The following LRRC56 variants were observed in gnomAD, a reference collection of about 807,000 sequenced individuals.
LRRC56 encodes the protein leucine-rich repeat-containing protein 56.
LRRC56 carries 41 observed loss-of-function variants against 47.8 expected under a neutral mutation model. The observed-to-expected ratio is 0.86, with a 90% CI of 0.67 to 1.11. The LOEUF is 1.11. Among genes scored for constraint, LRRC56 ranks in the 50% most tolerant of loss-of-function variants. LRRC56 has a pLI of 0.00. For missense variants in LRRC56, 759 were observed against 704.2 expected (o/e 1.08, Z -0.88); for synonymous variants, 387 against 311.2 (o/e 1.24, Z -2.56).
At chr11:532,836 GC>G (rs1851190533), upstream of LRRC56, 5 of 1,410,140 alleles carry the variant, frequency 3.5e-6, no homozygotes, top group East Asian at 1.2e-4. Flanking sequence ...GTGGGATCAA[GC>G]CTTGCCTGGC....
At chr11:520,921 G>C in the LRRC56 span, among the ~76,000 whole-genome samples, 15,053 of 152,242 alleles carry the variant, frequency 0.099, 1,017 homozygotes, top group Admixed American at 0.19. Context: ...ATTGGGGTGG[G>C]AATTGTCCAT....
At chr11:533,436 G>A (rs367869009), upstream of LRRC56, 4 of 1,612,210 alleles carry the variant, frequency 2.5e-6, no homozygotes, top group African/African-American at 5.3e-5. Context: ...TAGCTGTGGG[G>A]TGGAGAGCTG....
chr11:510,529 G>C, the LRRC56 span, among the ~76,000 whole-genome samples: 7 of 151,988 alleles, frequency 4.6e-5, no homozygotes, highest in Admixed American at 4.6e-4. Context: ...TTTGCGGTCG[G>C]GAGTTCAAGA....
At chr11:514,678 T>C in the LRRC56 span, among the ~76,000 whole-genome samples, 1 of 152,050 alleles carries the variant, frequency 6.6e-6, no homozygotes, top group Non-Finnish European at 1.5e-5. Context: ...ATAAAGTATT[T>C]TAAATTGAGG....
intron 3 of LRRC56, among the ~76,000 whole-genome samples, chr11:540,344 G>A (rs868403415): frequency 5.3e-5 from 8 of 152,330 alleles, no homozygotes; most frequent in Middle Eastern, 3.4e-3. Context: ...CACAGCCCCT[G>A]TGGGCCTCAG....
chr11:551,735 C>A lies in LRRC56; in HGVS notation c.881C>A (p.Pro294His). ...CAGTCCCGGGCCTCCAGGCCCTGGC[C>A]CTTCTCCCTGCTGGTCCGTGGGGGC... is the stretch of plus-strand genomic sequence containing the variant. Reference protein sequence around the residue: ...ETQSRASRPWPFSLLVRGGPL... With the variant: ...ETQSRASRPWHFSLLVRGGPL... The change falls in exon 10 of 14, where the codon CCC becomes CAC. Residue 294 changes from proline to histidine, a missense_variant. Physicochemically the swap from Pro to His is moderately conservative, Grantham distance 77. Transcript: ENST00000270115. The A allele has an allele frequency of 6.2e-7, 1 of 1,611,674 alleles. No homozygotes were observed. Among genetic ancestry groups the A allele is most frequent in the Non-Finnish European group, 8.5e-7 (1 of 1,179,354 alleles).
At chr11:551,600 G>T (rs1564806912) in intron 9 of LRRC56, 51 bp from the exon 10 acceptor site, 1 of 1,514,536 alleles carries the variant, frequency 6.6e-7, no homozygotes, top group East Asian at 2.3e-5. Context: ...AGAGTCTGGG[G>T]GGCGCTCTCA....
upstream of LRRC56, chr11:533,751 C>G (rs1190177243): frequency 6.2e-7 from 1 of 1,613,106 alleles, no homozygotes; most frequent in Non-Finnish European, 8.5e-7. Context: ...CCCGGGCCAG[C>G]CTCACGGGGT....
intron 1 of LRRC56, among the ~76,000 whole-genome samples, chr11:538,372 G>A (rs1851625515): frequency 6.6e-6 from 1 of 152,304 alleles, no homozygotes; most frequent in Admixed American, 6.5e-5. Context: ...AGAGTCTTTG[G>A]GGGGATGCAG....
the LRRC56 span, among the ~76,000 whole-genome samples, chr11:530,937 C>G: frequency 7.1e-5 from 3 of 42,468 alleles, no homozygotes; most frequent in Non-Finnish European, 1.3e-4. Flanking sequence ...GTGGCGTCCC[C>G]TGGACAGAAG....
At chr11:522,343 G>C in the LRRC56 span, among the ~76,000 whole-genome samples, 1 of 152,088 alleles carries the variant, frequency 6.6e-6, no homozygotes, top group African/African-American at 2.4e-5. Context: ...TCAGCTCACT[G>C]CAAGCTCTGC....
At chr11:550,528 T>C (rs796749221) in intron 8 of LRRC56, among the ~76,000 whole-genome samples, 35 of 152,142 alleles carry the variant, frequency 2.3e-4, no homozygotes, top group African/African-American at 7.2e-4. Flanking sequence ...ACCTGTGAGG[T>C]CCACACATAA....
chr11:541,730 C>A lies in LRRC56; in HGVS notation c.265+106C>A. 1 of 682,124 alleles carries A rather than the reference C, an allele frequency of 1.5e-6. No homozygotes were observed. Among genetic ancestry groups the A allele is most frequent in the Non-Finnish European group, 2.4e-6 (1 of 424,220 alleles). 42.3% of individuals were successfully genotyped at this position (682,124 alleles called of 1,614,324 possible). On this transcript the variant is annotated intron_variant, in intron 5 of 13. Coordinates refer to ENST00000270115, the MANE Select transcript of LRRC56 (RefSeq NM_198075.4). This position sits in a 1 kb window ranked among gnomAD's most constrained non-coding sequence, Gnocchi z 4.1. ...ACAAAGCTGTCCTCACCTCTCGGGCCGCGTATCGGCTTCCTTAGGGTTGGC... is the reference window on the plus strand; with the variant it reads ...ACAAAGCTGTCCTCACCTCTCGGGCAGCGTATCGGCTTCCTTAGGGTTGGC...
the LRRC56 span, among the ~76,000 whole-genome samples, chr11:509,828 G>T: frequency 6.6e-6 from 1 of 150,760 alleles, no homozygotes; most frequent in Admixed American, 6.7e-5. Context: ...CTCCCAAAGT[G>T]CCTGGCCTTC....
chr11:549,276 C>A (rs1474873881), intron 6 of LRRC56, among the ~76,000 whole-genome samples: 1 of 152,218 alleles, frequency 6.6e-6, no homozygotes, highest in Admixed American at 6.5e-5. Context: ...GATGGCGTAG[C>A]AGCGCTGAAG....
Position 551,120 on chromosome 11 carries a change from TC to T in LRRC56, c.625-6del. 1.7e-6 allele frequency: 1 copy of T among 585,664 alleles called. No individual in the cohort carries two copies. The highest frequency in any genetic ancestry group is 3.6e-5 in the Admixed American group (1 of 28,046). The allele number at this position is 585,664 out of a possible 1,614,324, so 36.3% of individuals were successfully genotyped here. A position where few individuals can be genotyped will look rare whatever the true frequency, so the allele number is the denominator to read the frequency against. On this transcript the variant is annotated splice_polypyrimidine_tract_variant and intron_variant, in intron 8 of 13. Coordinates refer to ENST00000270115, the MANE Select transcript of LRRC56 (RefSeq NM_198075.4). ...GACCTGCCCTCCCTCCCCCTCCCCC[TC>T]CCCCTGCAGGTGCCCAGGGGCTACA...
Position 551,289 on chromosome 11 carries a change from C to A in LRRC56, c.783C>A (p.Gly261=). 1 of 1,527,070 alleles carries A rather than the reference C, an allele frequency of 6.5e-7. No individual in the cohort carries two copies. Among genetic ancestry groups the A allele is most frequent in the Non-Finnish European group, 8.9e-7 (1 of 1,129,774 alleles). The allele number at this position is 1,527,070 out of a possible 1,614,324, so 94.6% of individuals were successfully genotyped here. ...AGGAGGCCATCAAGAAGGGCAACGG[C>A]CTTCCCCCGCTGGGTACGGCAGCTG... The part of the protein sequence containing the change: ...AVKEAIKKGN[G]LPPLDCPRGA... Residue 261 remains glycine, a synonymous_variant, in exon 9 of 14, where the codon GGC becomes GGA. Transcript: ENST00000270115.
chr11:553,935 A>T (rs1162897943), intron 13 of LRRC56, 28 bp from the exon 14 acceptor site: 1 of 1,597,702 alleles, frequency 6.3e-7, no homozygotes, highest in East Asian at 2.2e-5. Flanking sequence ...AGCCTTTCTG[A>T]CGTCCCATCA....
the LRRC56 span, among the ~76,000 whole-genome samples, chr11:525,338 G>C: frequency 2.0e-5 from 3 of 152,134 alleles, no homozygotes; most frequent in East Asian, 3.9e-4. Context: ...AGGAGATCGA[G>C]ACCATCCTGG....
Sources: allele counts gnomAD v4.1 joint callset (sites outside exome capture counted in the v4.1 genomes callset), GRCh38; gene constraint gnomAD v4.1.1; non-coding constraint Gnocchi (gnomAD v3.1); transcripts MANE v1.5; gene names NCBI Gene and HGNC (gene_info 2026-07-23, HGNC 2026-07-21).